The following CTPS2 variants were observed in gnomAD, a reference collection of about 807,000 sequenced individuals.
The protein encoded by CTPS2 is CTP synthase II.
Under a neutral mutation model 46.8 loss-of-function variants are expected in CTPS2, and 19 were observed. That is an observed-to-expected ratio of 0.41 (90% CI 0.28 to 0.60). The LOEUF (loss-of-function observed/expected upper bound fraction) is 0.60, where lower values mean the gene tolerates loss of function less well. Among genes scored for constraint, CTPS2 ranks in the 20% least tolerant of loss-of-function variants. The probability of loss-of-function intolerance (pLI) is 0.35; values close to 1 mark genes in which losing one functional copy is unlikely to be tolerated. For missense variants in CTPS2, 286 were observed against 447.6 expected (o/e 0.64, Z 3.26); for synonymous variants, 151 against 165.2 (o/e 0.91, Z 0.66).
At chrX:16,677,312 C>T (rs1039983592) in intron 10 of CTPS2, among the ~76,000 whole-genome samples, 1 of 111,540 alleles carries the variant, frequency 9.0e-6, no homozygotes, top group Non-Finnish European at 1.9e-5. Flanking sequence ...TTAAACTAAA[C>T]ATTTATTAAT....
intron 17 of CTPS2, among the ~76,000 whole-genome samples, chrX:16,604,824 T>G (rs1929877723): frequency 8.9e-6 from 1 of 112,496 alleles, no homozygotes; most frequent in Admixed American, 9.4e-5. Flanking sequence ...ACCATGCAAA[T>G]TTGTGGTTGC....
At chrX:16,702,999 G>C in intron 1 of CTPS2, 58 bp from the exon 2 acceptor site, 5 of 678,148 alleles carry the variant, frequency 7.4e-6, no homozygotes, top group Non-Finnish European at 1.1e-5. Flanking sequence ...TAGTAAAGCA[G>C]ACAGTGTATT....
At chrX:16,669,703 G>A (rs1339381005) in intron 11 of CTPS2, among the ~76,000 whole-genome samples, 1 of 110,037 alleles carries the variant, frequency 9.1e-6, no homozygotes, top group Non-Finnish European at 1.9e-5. Flanking sequence ...TAATCAAAGA[G>A]CAGGTAATGG....
At chrX:16,682,995 C>A in intron 9 of CTPS2, 99 bp downstream of exon 9, 2 of 903,783 alleles carry the variant, frequency 2.2e-6, no homozygotes, top group Non-Finnish European at 3.2e-6. Flanking sequence ...GTAAGTCCTG[C>A]AGGTGATCTC....
intron 14 of CTPS2, among the ~76,000 whole-genome samples, chrX:16,638,116 G>A (rs1431719405): frequency 2.7e-5 from 3 of 110,017 alleles, no homozygotes; most frequent in Non-Finnish European, 5.7e-5. Flanking sequence ...TTAGCCGGGC[G>A]CGGTGGTAGG....
intron 16 of CTPS2, among the ~76,000 whole-genome samples, chrX:16,615,303 C>T (rs771188205): frequency 1.8e-5 from 2 of 111,406 alleles, no homozygotes; most frequent in African/African-American, 6.5e-5. Flanking sequence ...CATGGCACTG[C>T]ACTCCAGCCT....
At chrX:16,611,991 T>TAAAAGA (rs1455271221) in intron 16 of CTPS2, among the ~76,000 whole-genome samples, 2 of 111,739 alleles carry the variant, frequency 1.8e-5, no homozygotes, top group Non-Finnish European at 3.8e-5. Flanking sequence ...AAGCAGACAG[T>TAAAAGA]AACTGTGCTT....
At chrX:16,691,668 G>C (rs1421103608) in intron 6 of CTPS2, 48 bp from the exon 7 acceptor site, 1 of 1,028,333 alleles carries the variant, frequency 9.7e-7, no homozygotes. Context: ...CTTTCAGCAG[G>C]ATGCCACATT....
intron 1 of CTPS2, among the ~76,000 whole-genome samples, chrX:16,707,900 T>C (rs1436856169): frequency 9.0e-6 from 1 of 111,230 alleles, no homozygotes; most frequent in Non-Finnish European, 1.9e-5. Context: ...GAGAATCACT[T>C]GAAGCCGGGA....
intron 13 of CTPS2, among the ~76,000 whole-genome samples, chrX:16,643,199 T>C (rs2147248949): frequency 8.9e-6 from 1 of 111,933 alleles, no homozygotes; most frequent in Non-Finnish European, 1.9e-5. Flanking sequence ...TTAGGTTCTC[T>C]TAGCAACAGT....
intron 13 of CTPS2, among the ~76,000 whole-genome samples, chrX:16,662,947 C>T (rs1933007329): frequency 9.0e-6 from 1 of 111,301 alleles, no homozygotes; most frequent in African/African-American, 3.3e-5. Flanking sequence ...GATATATGTA[C>T]ATGGATACTA....
intron 6 of CTPS2, 64 bp downstream of exon 6, chrX:16,693,077 A>AG (rs1923828563): frequency 9.3e-6 from 7 of 754,218 alleles, no homozygotes; most frequent in Non-Finnish European, 1.4e-5. Context: ...AAAAAAAAAA[A>AG]AAGAAGTGAA....
intron 11 of CTPS2, among the ~76,000 whole-genome samples, chrX:16,669,484 C>T (rs896127146): frequency 1.8e-5 from 2 of 109,174 alleles, no homozygotes; most frequent in African/African-American, 6.7e-5. Context: ...TAAAGAGATG[C>T]TATGCTAGAG....
intron 14 of CTPS2, among the ~76,000 whole-genome samples, chrX:16,621,671 A>G (rs57440710): frequency 0.025 from 2,780 of 110,736 alleles, 98 homozygotes; most frequent in African/African-American, 0.086. Flanking sequence ...CAACAGAATC[A>G]GAAGCCATGC....
At chrX:16,638,242 G>A (rs1308501629) in intron 14 of CTPS2, among the ~76,000 whole-genome samples, 4 of 101,823 alleles carry the variant, frequency 3.9e-5, no homozygotes, top group African/African-American at 7.2e-5. Context: ...GTGACAGAGC[G>A]AGACTCTGTC....
At chrX:16,684,963 C>T (rs1481567165) in intron 8 of CTPS2, among the ~76,000 whole-genome samples, 2 of 111,151 alleles carry the variant, frequency 1.8e-5, no homozygotes, top group African/African-American at 3.3e-5. Context: ...TGGTGGTGCA[C>T]GCCTGTAGTT....
At chrX:16,679,533 C>A (rs1456149286) in intron 9 of CTPS2, among the ~76,000 whole-genome samples, 1 of 110,947 alleles carries the variant, frequency 9.0e-6, no homozygotes, top group East Asian at 2.8e-4. Flanking sequence ...AGGGACGAGG[C>A]TGAGAAGCCA....
chrX:16,616,087 CA>C (rs1450894984), intron 16 of CTPS2, among the ~76,000 whole-genome samples: 1 of 112,004 alleles, frequency 8.9e-6, no homozygotes, highest in Non-Finnish European at 1.9e-5. Flanking sequence ...ACGTGGTGCA[CA>C]GGCAGTAGTT....
At chrX:16,624,739 G>A (rs930843049) in intron 14 of CTPS2, among the ~76,000 whole-genome samples, 1 of 111,867 alleles carries the variant, frequency 8.9e-6, no homozygotes, top group African/African-American at 3.3e-5. Flanking sequence ...ACAACAAAGT[G>A]ACTCAGTCTT....
Sources: gnomAD v4.1 joint callset for allele counts (sites outside exome capture counted in the v4.1 genomes callset) on GRCh38, gnomAD v4.1.1 for gene constraint, MANE v1.5 for transcripts, NCBI Gene and HGNC (gene_info 2026-07-23, HGNC 2026-07-21) for gene names.